DMRT1: variants seen among roughly 807,000 people sequenced by gnomAD.
The protein encoded by DMRT1 is doublesex and mab-3 related transcription factor 1, also known as doublesex- and mab-3-related transcription factor 1.
Under a neutral mutation model 32.3 loss-of-function variants are expected in DMRT1, and 7 were observed. The ratio of observed to expected loss-of-function variants is 0.22; its 90% CI spans 0.12 to 0.41. The LOEUF is 0.41. Ranked by LOEUF, DMRT1 falls within the 10% of genes least tolerant of loss-of-function variation. DMRT1 has a pLI of 1.00. For missense variants in DMRT1, 625 were observed against 500.5 expected, an observed-to-expected ratio of 1.25 and a Z score of -2.37; for synonymous variants, 278 against 206.1, an observed-to-expected ratio of 1.35 and a Z score of -2.99.
chr9:880,038 C>T (rs77951103), intron 2 of DMRT1, among the ~76,000 whole-genome samples: 1 of 152,292 alleles, frequency 6.6e-6, no homozygotes, highest in East Asian at 1.9e-4. Flanking sequence ...ACTCAAATTT[C>T]GGCAATAAAT....
At chr9:881,647 C>T (rs1746675285) in intron 2 of DMRT1, among the ~76,000 whole-genome samples, 1 of 152,162 alleles carries the variant, frequency 6.6e-6, no homozygotes, top group Non-Finnish European at 1.5e-5. Flanking sequence ...TCTGTGGAGA[C>T]CTAAATACAT....
chr9:952,305 T>C (rs1819452861), intron 4 of DMRT1, among the ~76,000 whole-genome samples: 1 of 152,202 alleles, frequency 6.6e-6, no homozygotes, highest in African/African-American at 2.4e-5. Context: ...TGGAGGTAGA[T>C]TAAGAAATAA....
At chr9:911,192 C>A (rs749222826) in intron 3 of DMRT1, among the ~76,000 whole-genome samples, 10 of 152,130 alleles carry the variant, frequency 6.6e-5, no homozygotes, top group Non-Finnish European at 1.2e-4. Context: ...TCAGCAGCAT[C>A]CCTGACCTTG....
intron 3 of DMRT1, among the ~76,000 whole-genome samples, chr9:897,924 C>T (rs2129649619): frequency 6.6e-6 from 1 of 152,032 alleles, no homozygotes; most frequent in South Asian, 2.1e-4. Flanking sequence ...GAATTTGATG[C>T]CCTTAGGAAA....
At chr9:842,237 T>TTTTTTTTTTTTTTTTTTTTTTTTTTG in intron 1 of DMRT1, 45 bp downstream of exon 1, 1 of 1,493,582 alleles carries the variant, frequency 6.7e-7, no homozygotes, top group African/African-American at 1.5e-5. Flanking sequence ...TTAGTTTTTT[T>TTTTTTTTTTTTTTTTTTTTTTTTTTG]TTTTTTTTTT....
intron 2 of DMRT1, among the ~76,000 whole-genome samples, chr9:847,370 C>T (rs1838953418): frequency 6.6e-6 from 1 of 152,192 alleles, no homozygotes; most frequent in Non-Finnish European, 1.5e-5. Context: ...TTAGTCAAGA[C>T]TGAGTCTGGA....
At position 866,985 on chromosome 9, in the gene DMRT1, T is replaced by C. The variant is rs142769612; in HGVS notation, c.538+19842T>C. 2.7e-4 allele frequency among the ~76,000 whole-genome samples: 41 copies of C among 152,212 alleles called. 2 individuals carry two copies. In the East Asian group the frequency reaches 7.9e-3, roughly 29 times the overall value. On this transcript the variant is annotated intron_variant, in intron 2 of 4. Transcript: ENST00000382276. Reference sequence around the variant, plus strand: ...TTCATCATGAAGCACCTGGGGTTTGTTTTTTTCTAAAAGATGTAGATAAAC... The same window carrying C: ...TTCATCATGAAGCACCTGGGGTTTGCTTTTTTCTAAAAGATGTAGATAAAC...
chr9:958,861 T>G (rs1273499611), intron 4 of DMRT1, among the ~76,000 whole-genome samples: 3 of 152,180 alleles, frequency 2.0e-5, no homozygotes, highest in Non-Finnish European at 4.4e-5. Context: ...GTGTTGACAT[T>G]ATTGTGACCA....
At chr9:863,149 C>CAAAAA (rs55759836) in intron 2 of DMRT1, among the ~76,000 whole-genome samples, 21,605 of 96,712 alleles carry the variant, frequency 0.22, 2,522 homozygotes, top group African/African-American at 0.28. Flanking sequence ...CAGGTCTCTA[C>CAAAAA]AAAAAAAAAA....
intron 4 of DMRT1, 33 bp downstream of exon 4, chr9:916,940 G>T: frequency 6.2e-7 from 1 of 1,613,758 alleles, no homozygotes; most frequent in Non-Finnish European, 8.5e-7. Flanking sequence ...TGGATTTGGG[G>T]TTGAGAGAGG....
At chr9:870,049 T>C (rs73639456) in intron 2 of DMRT1, among the ~76,000 whole-genome samples, 1,718 of 152,334 alleles carry the variant, frequency 0.011, 30 homozygotes, top group African/African-American at 0.039. Flanking sequence ...TTTGAGAGCT[T>C]TCTCTTAGAA....
rs548318412 is a variant in DMRT1, at chr9:843,881, G to C, written c.354+1689G>C. On this transcript the variant is annotated intron_variant, in intron 1 of 4. Coordinates refer to ENST00000382276, the MANE Select transcript of DMRT1 (RefSeq NM_021951.3). ...GATGGCGAGTGCAGTCATGAAAATA[G>C]ATATTGTTTTGCTTAATTTCTTAAT... is the stretch of plus-strand genomic sequence containing the variant. Among the ~76,000 whole-genome samples, 134 of 152,280 alleles carry C rather than the reference G, an allele frequency of 8.8e-4. 1 individual carries two copies. The highest frequency in any genetic ancestry group is 3.0e-3 in the African/African-American group (123 of 41,558).
intron 4 of DMRT1, among the ~76,000 whole-genome samples, chr9:960,714 T>G (rs1213081025): frequency 6.6e-6 from 1 of 152,186 alleles, no homozygotes; most frequent in Non-Finnish European, 1.5e-5. Flanking sequence ...TACTCCTAAG[T>G]GAGAGGAGCC....
chr9:844,742 C>T (rs1314993492), intron 1 of DMRT1, among the ~76,000 whole-genome samples: 1 of 119,780 alleles, frequency 8.3e-6, no homozygotes, highest in Non-Finnish European at 1.6e-5. Context: ...TTTTTTGAGA[C>T]AGGAGTCTCG....
At chr9:957,778 G>A (rs1052472637) in intron 4 of DMRT1, among the ~76,000 whole-genome samples, 3 of 152,192 alleles carry the variant, frequency 2.0e-5, no homozygotes, top group African/African-American at 7.2e-5. Context: ...GGGAGGCTGA[G>A]GCAGGTGGAT....
intron 4 of DMRT1, among the ~76,000 whole-genome samples, chr9:962,614 C>T (rs772276605): frequency 6.6e-6 from 1 of 151,760 alleles, no homozygotes; most frequent in Non-Finnish European, 1.5e-5. Flanking sequence ...TCCAGGAGGG[C>T]CTGGGTGGGG....
chr9:911,972 C>A (rs1467192605), intron 3 of DMRT1, among the ~76,000 whole-genome samples: 1 of 152,212 alleles, frequency 6.6e-6, no homozygotes, highest in South Asian at 2.1e-4. Context: ...TCTGTTCTCA[C>A]ACTGCTGTAA....
chr9:896,757 G>T (rs538407030), intron 3 of DMRT1, among the ~76,000 whole-genome samples: 1 of 151,738 alleles, frequency 6.6e-6, no homozygotes, highest in Non-Finnish European at 1.5e-5. Flanking sequence ...AGGTTGCAGT[G>T]AGCAGAGATC....
intron 4 of DMRT1, among the ~76,000 whole-genome samples, chr9:920,295 G>A (rs1387517872): frequency 6.6e-6 from 1 of 152,156 alleles, no homozygotes; most frequent in East Asian, 1.9e-4. Flanking sequence ...CAGTGTTTAT[G>A]GCCCTGTAGA....
Sources: allele counts gnomAD v4.1 joint callset (sites outside exome capture counted in the v4.1 genomes callset), GRCh38; gene constraint gnomAD v4.1.1; transcripts MANE v1.5; gene names NCBI Gene and HGNC (gene_info 2026-07-23, HGNC 2026-07-21).